The following LMNB1 variants were observed in gnomAD, a reference collection of about 807,000 sequenced individuals.
LMNB1 encodes lamin-B1.
A neutral mutation model predicts 67.1 loss-of-function variants in LMNB1; 23 were observed. That is an observed-to-expected ratio of 0.34 (90% CI 0.25 to 0.49). LMNB1 has a LOEUF of 0.49. LMNB1 is among the 20% of genes least tolerant of loss of function. The probability of loss-of-function intolerance (pLI) is 0.99; values close to 1 mark genes in which losing one functional copy is unlikely to be tolerated. For synonymous variants in LMNB1, 281 were observed against 282.9 expected (o/e 0.99, Z 0.07); for missense variants, 634 against 746.5 (o/e 0.85, Z 1.76).
chr5:126,777,278 A>C lies in LMNB1; in HGVS notation c.-231A>C. 10 of 362,300 alleles carry C rather than the reference A, an allele frequency of 2.8e-5. No homozygotes were observed. Among genetic ancestry groups the C allele is most frequent in the East Asian group, 8.7e-5 (2 of 23,062 alleles). The allele number at this position is 362,300 out of a possible 1,614,324, so 22.4% of individuals were successfully genotyped here. A position where few individuals can be genotyped will look rare whatever the true frequency, so the allele number is the denominator to read the frequency against. On this transcript the variant is annotated 5_prime_UTR_variant, in exon 1 of 11. Coordinates refer to ENST00000261366, the MANE Select transcript of LMNB1 (RefSeq NM_005573.4). The stretch of plus-strand genomic sequence containing the variant: ...GTGTGTGTGTTTTCTTACAAAGGGT[A>C]TTTCGCGATCGATCGATTGATTCGT...
chr5:126,791,957 A>G (rs2112934885), intron 1 of LMNB1, among the ~76,000 whole-genome samples: 1 of 150,980 alleles, frequency 6.6e-6, no homozygotes, highest in Middle Eastern at 3.4e-3. Context: ...TGATTTTCGT[A>G]TTTTTAGTAG....
intron 1 of LMNB1, among the ~76,000 whole-genome samples, chr5:126,798,264 A>G (rs969731020): frequency 3.8e-4 from 58 of 152,198 alleles, no homozygotes; most frequent in African/African-American, 1.4e-3. Context: ...CCTGGCCAAC[A>G]CGGTGAAACC....
chr5:126,787,544 A>ATTTTTT (rs1222029249), intron 1 of LMNB1, among the ~76,000 whole-genome samples: 4 of 76,298 alleles, frequency 5.2e-5, no homozygotes, highest in Non-Finnish European at 7.4e-5. Context: ...ATATATATAT[A>ATTTTTT]TATTTTTTTT....
intron 8 of LMNB1, among the ~76,000 whole-genome samples, chr5:126,823,999 A>T (rs1363164294): frequency 1.3e-5 from 2 of 152,234 alleles, no homozygotes; most frequent in Admixed American, 6.5e-5. Context: ...TGGAAGCCTT[A>T]TGCCAATCAT....
chr5:126,831,643 G>C (rs1455619724), intron 9 of LMNB1, among the ~76,000 whole-genome samples: 1 of 152,170 alleles, frequency 6.6e-6, no homozygotes, highest in Non-Finnish European at 1.5e-5. Flanking sequence ...CCTGTTGCTG[G>C]TAGTCCCTGA....
chr5:126,812,011 GGTGT>G, intron 5 of LMNB1, 113 bp downstream of exon 5: 5 of 1,047,592 alleles, frequency 4.8e-6, no homozygotes, highest in South Asian at 1.6e-5. Context: ...TACAGAGGAT[GGTGT>G]CATCCTGTGC....
rs140603017 is a variant in LMNB1 at position 126,812,017 on chromosome 5, A to T, written c.939+119A>T. ...TCTGTTTGTTACAGAGGATGGTGTCATCCTGTGCTTTCGTCTTCACAGTAC... is the reference window on the plus strand; with the variant it reads ...TCTGTTTGTTACAGAGGATGGTGTCTTCCTGTGCTTTCGTCTTCACAGTAC... On this transcript the variant is annotated intron_variant, in intron 5 of 10. Coordinates refer to ENST00000261366, the MANE Select transcript of LMNB1 (RefSeq NM_005573.4). 9,158 of 974,598 alleles carry T rather than the reference A, an allele frequency of 9.4e-3. 64 individuals carry two copies. Among genetic ancestry groups the T allele is most frequent in the Middle Eastern group, 0.013 (59 of 4,432 alleles). 60.4% of individuals were successfully genotyped at this position (974,598 alleles called of 1,614,324 possible).
At chr5:126,798,198 A>G (rs961837068) in intron 1 of LMNB1, among the ~76,000 whole-genome samples, 3 of 151,898 alleles carry the variant, frequency 2.0e-5, no homozygotes, top group African/African-American at 7.3e-5. Flanking sequence ...CGAGCCTGTA[A>G]TCCCAGCACT....
At chr5:126,789,129 C>T (rs113747183) in intron 1 of LMNB1, among the ~76,000 whole-genome samples, 2,009 of 151,938 alleles carry the variant, frequency 0.013, 40 homozygotes, top group African/African-American at 0.045. Flanking sequence ...TCAAGCAATC[C>T]GCCTGCCTCG....
chr5:126,780,268 T>G (rs192102490), intron 1 of LMNB1, among the ~76,000 whole-genome samples: 6 of 152,150 alleles, frequency 3.9e-5, no homozygotes, highest in Non-Finnish European at 7.4e-5. Context: ...AAGATTTTTT[T>G]AAAAAAATGA....
intron 1 of LMNB1, among the ~76,000 whole-genome samples, chr5:126,788,505 C>T (rs1021742763): frequency 6.6e-6 from 1 of 152,116 alleles, no homozygotes; most frequent in Admixed American, 6.6e-5. Flanking sequence ...GGCGTGGTTG[C>T]ACATGCCTTT....
intron 1 of LMNB1, among the ~76,000 whole-genome samples, chr5:126,803,030 C>G (rs2126707811): frequency 6.6e-6 from 1 of 151,330 alleles, no homozygotes; most frequent in Non-Finnish European, 1.5e-5. Context: ...ACTACAAATA[C>G]AAAAAATTAT....
chr5:126,802,157 A>G (rs1156967871), intron 1 of LMNB1, among the ~76,000 whole-genome samples: 2 of 152,216 alleles, frequency 1.3e-5, no homozygotes, highest in Non-Finnish European at 2.9e-5. Flanking sequence ...GTTTTAAAGC[A>G]TGAGATTTAA....
chr5:126,821,156 T>G, intron 7 of LMNB1, 21 bp downstream of exon 7: 1 of 1,523,168 alleles, frequency 6.6e-7, no homozygotes, highest in Non-Finnish European at 9.1e-7. Context: ...AGACCCTTTT[T>G]TTTCTAGCAA....
intron 1 of LMNB1, among the ~76,000 whole-genome samples, chr5:126,778,918 A>G (rs921759250): frequency 6.6e-6 from 1 of 152,154 alleles, no homozygotes; most frequent in Non-Finnish European, 1.5e-5. Flanking sequence ...ACATTTGCAG[A>G]CCTTTGCTGG....
At chr5:126,831,313 C>T (rs905546257) in intron 9 of LMNB1, among the ~76,000 whole-genome samples, 2 of 152,238 alleles carry the variant, frequency 1.3e-5, no homozygotes, top group South Asian at 2.1e-4. Flanking sequence ...AGGACACACT[C>T]ATTTACTTGC....
chr5:126,834,059 C>G (rs1752193740), intron 10 of LMNB1, among the ~76,000 whole-genome samples: 1 of 152,228 alleles, frequency 6.6e-6, no homozygotes, highest in Non-Finnish European at 1.5e-5. Flanking sequence ...CTCAATCGAG[C>G]AGGCTGTGTT....
chr5:126,814,648 C>T (rs1751663241), intron 5 of LMNB1, among the ~76,000 whole-genome samples: 1 of 152,044 alleles, frequency 6.6e-6, no homozygotes, highest in Middle Eastern at 3.4e-3. Context: ...AAGTGATTCT[C>T]CTGCCTCAGC....
intron 8 of LMNB1, 74 bp downstream of exon 8, chr5:126,822,959 C>G (rs938455350): frequency 1.1e-5 from 10 of 935,748 alleles, no homozygotes; most frequent in Non-Finnish European, 1.5e-5. Flanking sequence ...AGTTTTTTGG[C>G]TAAAAGAGAA....
Sources: allele counts gnomAD v4.1 joint callset (sites outside exome capture counted in the v4.1 genomes callset), GRCh38; gene constraint gnomAD v4.1.1; transcripts MANE v1.5; gene names NCBI Gene and HGNC (gene_info 2026-07-23, HGNC 2026-07-21).